SLCO1B1: variants seen among roughly 807,000 people sequenced by gnomAD.
SLCO1B1 encodes the protein solute carrier organic anion transporter family member 1B1.
SLCO1B1 carries 81 observed loss-of-function variants against 70.1 expected under a neutral mutation model. The observed-to-expected ratio is 1.16, with a 90% CI of 0.97 to 1.39. SLCO1B1 has a LOEUF of 1.39. Among genes scored for constraint, SLCO1B1 ranks in the 40% most tolerant of loss-of-function variants. The pLI is 0.00. For synonymous variants in SLCO1B1, 283 were observed against 271.5 expected (o/e 1.04, Z -0.42); for missense variants, 895 against 799.6 (o/e 1.12, Z -1.44).
At chr12:21,221,176 G>T (rs1288460509) in intron 12 of SLCO1B1, among the ~76,000 whole-genome samples, 1 of 151,994 alleles carries the variant, frequency 6.6e-6, no homozygotes, top group Non-Finnish European at 1.5e-5. Context: ...AATAATAAAA[G>T]CTATGTATGA....
intron 14 of SLCO1B1, among the ~76,000 whole-genome samples, chr12:21,225,873 A>G (rs1447063459): frequency 6.6e-6 from 1 of 152,208 alleles, no homozygotes; most frequent in Non-Finnish European, 1.5e-5. Flanking sequence ...GGCTTATGAT[A>G]CTGTTAAGTA....
chr12:21,209,608 G>C (rs1941255599), intron 11 of SLCO1B1, among the ~76,000 whole-genome samples: 1 of 152,078 alleles, frequency 6.6e-6, no homozygotes, highest in African/African-American at 2.4e-5. Flanking sequence ...GGTATTTCCA[G>C]TTCTAGATCT....
intron 11 of SLCO1B1, among the ~76,000 whole-genome samples, chr12:21,215,204 C>T (rs981101689): frequency 2.0e-5 from 3 of 152,124 alleles, no homozygotes; most frequent in African/African-American, 7.2e-5. Flanking sequence ...TCTAGGATTT[C>T]CAGTACTATG....
Position 21,161,957 on chromosome 12 carries a change from G to A in SLCO1B1, c.85-10693G>A, listed in dbSNP as rs895156314. Among the ~76,000 whole-genome samples the A allele has an allele frequency of 7.2e-5, 11 of 151,946 alleles. 1 individual carries two copies. Among genetic ancestry groups the A allele is most frequent in the Admixed American group, 3.9e-4 (6 of 15,232 alleles). On this transcript the variant is annotated intron_variant, in intron 2 of 14. Coordinates refer to ENST00000256958, the MANE Select transcript of SLCO1B1 (RefSeq NM_006446.5). ...TGGGAGGCAGAGGTTGCAGTGAGCC[G>A]AGATCACAACAGTGCACTTTAGCCT...
At chr12:21,135,741 A>T (rs1231172320) in intron 1 of SLCO1B1, among the ~76,000 whole-genome samples, 3 of 152,018 alleles carry the variant, frequency 2.0e-5, no homozygotes, top group African/African-American at 4.8e-5. Flanking sequence ...TGCATGTGAG[A>T]TGGATTTCCT....
intron 14 of SLCO1B1, among the ~76,000 whole-genome samples, chr12:21,226,945 T>C (rs61447271): frequency 0.32 from 49,170 of 151,810 alleles, 8,442 homozygotes; most frequent in East Asian, 0.45. Flanking sequence ...ATTAAATATA[T>C]AAAAAGATGC....
chr12:21,133,643 T>C (rs932083763), intron 1 of SLCO1B1, among the ~76,000 whole-genome samples: 36 of 152,246 alleles, frequency 2.4e-4, no homozygotes, highest in Non-Finnish European at 4.9e-4. Context: ...TGTCTGTTAT[T>C]GGTGTATAAG....
intron 2 of SLCO1B1, among the ~76,000 whole-genome samples, chr12:21,172,376 T>C (rs1046666984): frequency 1.8e-4 from 27 of 152,326 alleles, no homozygotes; most frequent in African/African-American, 6.5e-4. Flanking sequence ...ATAAATCAGT[T>C]AATGAGATTA....
chr12:21,202,005 T>C (rs539871090), intron 9 of SLCO1B1, among the ~76,000 whole-genome samples: 1 of 152,286 alleles, frequency 6.6e-6, no homozygotes, highest in Admixed American at 6.5e-5. Context: ...GTGGCACATG[T>C]GTACCATGGA....
chr12:21,190,888 G>A (rs188918684), intron 7 of SLCO1B1, among the ~76,000 whole-genome samples: 106 of 152,036 alleles, frequency 7.0e-4, no homozygotes, highest in South Asian at 2.7e-3. Flanking sequence ...GGATTTCCCC[G>A]TGTGCTTTAG....
rs1279844565 is a variant in SLCO1B1, at chr12:21,239,449, T to C, written c.*260T>C. On this transcript the variant is annotated 3_prime_UTR_variant, in exon 15 of 15. Coordinates refer to ENST00000256958, the MANE Select transcript of SLCO1B1 (RefSeq NM_006446.5). The stretch of plus-strand genomic sequence containing the variant: ...TCCATACAAATTAAAGTGAGAGACA[T>C]GGTTACTGTGTAATAAAAGAAAAAA... 6.6e-6 allele frequency among the ~76,000 whole-genome samples: 1 copy of C among 152,202 alleles called. No individual in the cohort carries two copies. The highest frequency in any genetic ancestry group is 1.5e-5 in the Non-Finnish European group (1 of 68,016).
intron 7 of SLCO1B1, among the ~76,000 whole-genome samples, chr12:21,191,384 T>C (rs1941027771): frequency 6.6e-6 from 1 of 152,096 alleles, no homozygotes; most frequent in Non-Finnish European, 1.5e-5. Context: ...TTTATGATTT[T>C]AGTGTAAATG....
In SLCO1B1 at chr12:21,223,369, A is replaced by C. The variant is rs7954207; in HGVS notation, c.1747+1005A>C. Among the ~76,000 whole-genome samples, 1,181 of 152,300 alleles carry C rather than the reference A, an allele frequency of 7.8e-3. 14 individuals carry two copies. The highest frequency in any genetic ancestry group is 0.027 in the African/African-American group (1,102 of 41,562). Reference sequence around the variant, plus strand: ...TAAATTGTGGAAGGCCTATATATTTACCTGAAAAAGTCATTTAGAAAATAG... The same window carrying C: ...TAAATTGTGGAAGGCCTATATATTTCCCTGAAAAAGTCATTTAGAAAATAG... On this transcript the variant is annotated intron_variant, in intron 13 of 14. Transcript: ENST00000256958.
intron 2 of SLCO1B1, among the ~76,000 whole-genome samples, chr12:21,166,653 G>T (rs541543211): frequency 3.3e-4 from 50 of 152,194 alleles, no homozygotes; most frequent in Non-Finnish European, 5.9e-4. Context: ...TGGCAAGAAT[G>T]TGGAGCGACA....
At chr12:21,216,564 A>G (rs889285562) in intron 11 of SLCO1B1, among the ~76,000 whole-genome samples, 2 of 152,124 alleles carry the variant, frequency 1.3e-5, no homozygotes, top group Non-Finnish European at 2.9e-5. Context: ...TAATAATATC[A>G]TCTGTCATTG....
chr12:21,191,191 A>G (rs1313772132), intron 7 of SLCO1B1, among the ~76,000 whole-genome samples: 1 of 151,922 alleles, frequency 6.6e-6, no homozygotes, highest in African/African-American at 2.4e-5. Flanking sequence ...TGGGCTTTTG[A>G]TAGGTATTGT....
intron 2 of SLCO1B1, among the ~76,000 whole-genome samples, chr12:21,152,223 AT>A (rs1343245772): frequency 2.6e-5 from 4 of 151,908 alleles, no homozygotes; most frequent in African/African-American, 9.7e-5. Flanking sequence ...TGACATTATA[AT>A]TTTTTTAATG....
chr12:21,188,946 C>T, intron 7 of SLCO1B1, among the ~76,000 whole-genome samples: 1 of 152,142 alleles, frequency 6.6e-6, no homozygotes, highest in East Asian at 1.9e-4. Flanking sequence ...GCAGAATATC[C>T]TTCTTTTTAA....
Position 21,141,555 on chromosome 12 carries a change from A to G in SLCO1B1, c.-20A>G, listed in dbSNP as rs999771726. On this transcript the variant is annotated 5_prime_UTR_variant, in exon 2 of 15. It removes an upstream start codon present in the reference 5' UTR. Transcript: ENST00000256958. ...GAGCATCAACAACAAAAACATTTGT[A>G]TGATATCTATATTTCAATCATGGAC... The G allele has an allele frequency of 4.0e-6, 6 of 1,502,658 alleles. No homozygotes were observed. The highest frequency in any genetic ancestry group is 5.6e-6 in the Non-Finnish European group (6 of 1,080,582). The allele number at this position is 1,502,658 out of a possible 1,614,324, so 93.1% of individuals were successfully genotyped here. A position where few individuals can be genotyped will look rare whatever the true frequency, so the allele number is the denominator to read the frequency against.
Sources: gnomAD v4.1 joint callset for allele counts (sites outside exome capture counted in the v4.1 genomes callset) on GRCh38, gnomAD v4.1.1 for gene constraint, MANE v1.5 for transcripts, NCBI Gene and HGNC (gene_info 2026-07-23, HGNC 2026-07-21) for gene names.